SNW1: variants seen among roughly 807,000 people sequenced by gnomAD.
SNW1 encodes the protein SNW domain containing 1.
A neutral mutation model predicts 75.6 loss-of-function variants in SNW1; 9 were observed. The ratio of observed to expected loss-of-function variants is 0.12; its 90% CI spans 0.07 to 0.21. The LOEUF is 0.21. Among genes scored for constraint, SNW1 ranks in the 10% least tolerant of loss-of-function variants. SNW1 has a pLI of 1.00. For synonymous variants in SNW1, 200 were observed against 219.1 expected (o/e 0.91, Z 0.77); for missense variants, 409 against 670.9 (o/e 0.61, Z 4.31).
chr14:77,738,695 A>G, intron 5 of SNW1, 83 bp downstream of exon 5: 1 of 900,098 alleles, frequency 1.1e-6, no homozygotes, highest in Non-Finnish European at 1.8e-6. Flanking sequence ...ATGGTTGCTA[A>G]GTGGGTTAGT....
At chr14:77,745,795 A>C (rs1381029554) in intron 3 of SNW1, among the ~76,000 whole-genome samples, 1 of 152,174 alleles carries the variant, frequency 6.6e-6, no homozygotes, top group East Asian at 1.9e-4. Context: ...AGGCCAAAGC[A>C]GGCAGATCAC....
At chr14:77,724,763 C>T (rs1284250467) in intron 10 of SNW1, among the ~76,000 whole-genome samples, 5 of 152,202 alleles carry the variant, frequency 3.3e-5, no homozygotes, top group South Asian at 2.1e-4. Context: ...CTGGACACAA[C>T]TTGATTCCGT....
intron 10 of SNW1, among the ~76,000 whole-genome samples, chr14:77,724,916 G>A (rs1311803787): frequency 1.3e-5 from 2 of 152,126 alleles, no homozygotes; most frequent in African/African-American, 4.8e-5. Context: ...GTTTTTTGAA[G>A]AACTGCCATA....
chr14:77,723,573 A>G (rs1401681890), intron 10 of SNW1, among the ~76,000 whole-genome samples: 1 of 151,718 alleles, frequency 6.6e-6, no homozygotes, highest in Non-Finnish European at 1.5e-5. Context: ...CTGGTCTCAA[A>G]CTCCAGGCTC....
intron 8 of SNW1, 102 bp from the exon 9 acceptor site, chr14:77,732,703 C>T: frequency 1.4e-6 from 1 of 711,446 alleles, no homozygotes; most frequent in Non-Finnish European, 2.4e-6. Context: ...CTTGCTCTGT[C>T]ACCCTGGCTG....
At chr14:77,727,104 A>G (rs551802477) in intron 10 of SNW1, among the ~76,000 whole-genome samples, 1 of 151,306 alleles carries the variant, frequency 6.6e-6, no homozygotes, top group East Asian at 2.0e-4. Context: ...CCCAGGCTGG[A>G]GTGCAGTGGC....
rs188926528 is a variant in SNW1 at position 77,754,271 on chromosome 14, T to G, written c.168+696A>C. On this transcript the variant is annotated intron_variant, in intron 2 of 13. Coordinates refer to ENST00000261531, the MANE Select transcript of SNW1 (RefSeq NM_012245.3). ...GTTGGTCAGGCTGGTCTCGAACTCC[T>G]GGCCTCAGGTGATCTGCCCGCCTTG... is the stretch of plus-strand genomic sequence containing the variant. Among the ~76,000 whole-genome samples the G allele has an allele frequency of 5.7e-3, 874 of 152,112 alleles. 14 individuals carry two copies. The highest frequency in any genetic ancestry group is 0.02 in the African/African-American group (813 of 41,504).
intron 3 of SNW1, among the ~76,000 whole-genome samples, chr14:77,748,382 C>T (rs7160355): frequency 0.53 from 79,727 of 151,272 alleles, 21,216 homozygotes; most frequent in East Asian, 0.68. Context: ...TCCCCCTCTC[C>T]GAGAAACACC....
Position 77,725,847 on chromosome 14 carries a change from C to T in SNW1, c.1034-2570G>A, listed in dbSNP as rs549360221. Among the ~76,000 whole-genome samples, 114 of 152,242 alleles carry T rather than the reference C, an allele frequency of 7.5e-4. No individual in the cohort carries two copies. The Middle Eastern group carries it at 0.01, about 14-fold the overall frequency. On this transcript the variant is annotated intron_variant, in intron 10 of 13. Coordinates refer to ENST00000261531, the MANE Select transcript of SNW1 (RefSeq NM_012245.3). The stretch of plus-strand genomic sequence containing the variant: ...GGGAGGATAGCTTGAGTCTGAGAGG[C>T]GGAGGTTGCAGTGAGCTAAGATTAC...
At chr14:77,750,686 C>G (rs1322293429) in intron 3 of SNW1, among the ~76,000 whole-genome samples, 2 of 151,620 alleles carry the variant, frequency 1.3e-5, no homozygotes, top group Non-Finnish European at 2.9e-5. Flanking sequence ...AAAACTAGGT[C>G]TTCTTAAAAA....
chr14:77,757,678 A>C (rs774874760), intron 1 of SNW1, among the ~76,000 whole-genome samples: 1 of 152,110 alleles, frequency 6.6e-6, no homozygotes. Flanking sequence ...TCATTTAACT[A>C]TTCTGTTTTC....
At chr14:77,761,058 A>C (rs2080887112) in intron 1 of SNW1, 56 bp downstream of exon 1, 1 of 1,614,194 alleles carries the variant, frequency 6.2e-7, no homozygotes, top group Non-Finnish European at 8.5e-7. Context: ...AAGAGAAATG[A>C]AGAAGACTGG....
At chr14:77,743,201 G>A (rs1343702856) in intron 3 of SNW1, among the ~76,000 whole-genome samples, 2 of 151,324 alleles carry the variant, frequency 1.3e-5, no homozygotes, top group African/African-American at 2.4e-5. Context: ...CCCCAGCCTG[G>A]GCAACAAGAG....
rs1224407488 is a variant in SNW1, at chr14:77,737,020, T to C, written c.589A>G (p.Ile197Val). The C allele has an allele frequency of 6.2e-7, 1 of 1,614,004 alleles. No homozygotes were observed. ...AFNSGAKQRV[I>V]RMVEMQKDPM... ...TCTTTCTGCATTTCTACCATCCGAA[T>C]AACCCTCTGTTTAGCTCCAGAGTTG... is the stretch of plus-strand genomic sequence containing the variant. The change falls in exon 6 of 14, where the codon ATT (isoleucine) becomes GTT (valine). Residue 197 changes from isoleucine (I) to valine (V), a missense_variant. Around this residue, in one of 9 missense-constraint regions of SNW1, gnomAD observed 70 missense variants for 136.7 expected, o/e 0.51. Transcript: ENST00000261531.
chr14:77,734,664 G>A (rs1469156013), intron 8 of SNW1, among the ~76,000 whole-genome samples: 1 of 152,174 alleles, frequency 6.6e-6, no homozygotes, highest in African/African-American at 2.4e-5. Flanking sequence ...CTTCAACCTG[G>A]GAGGTGGAGG....
Position 77,718,054 on chromosome 14 carries a change from G to T in SNW1, c.*34C>A. On this transcript the variant is annotated 3_prime_UTR_variant, in exon 14 of 14. Transcript: ENST00000261531. Reference sequence around the variant, plus strand: ...TATGACTTGCATCATTAGGGTTATGGGTAAGAGTTCATTCACTTTGGAGAG... The same window carrying T: ...TATGACTTGCATCATTAGGGTTATGTGTAAGAGTTCATTCACTTTGGAGAG... 1 of 1,519,182 alleles carries T rather than the reference G, an allele frequency of 6.6e-7. No individual in the cohort carries two copies. The allele number at this position is 1,519,182 out of a possible 1,614,324, so 94.1% of individuals were successfully genotyped here.
In SNW1 at chr14:77,717,975, G is replaced by C. The variant is rs1415745986; in HGVS notation, c.*113C>G. The C allele has an allele frequency of 1.1e-6, 1 of 904,478 alleles. No homozygotes were observed. The highest frequency in any genetic ancestry group is 1.7e-5 in the African/African-American group (1 of 60,342). 56.0% of individuals were successfully genotyped at this position (904,478 alleles called of 1,614,324 possible). ...CTCCAGTAATAAAAAGTAGTGCTGG[G>C]ATCTGGCACCCAGATTTGGTTTTTA... is the stretch of plus-strand genomic sequence containing the variant. On this transcript the variant is annotated 3_prime_UTR_variant, in exon 14 of 14. Coordinates refer to ENST00000261531, the MANE Select transcript of SNW1 (RefSeq NM_012245.3).
intron 10 of SNW1, among the ~76,000 whole-genome samples, chr14:77,727,825 T>C (rs977295546): frequency 6.6e-6 from 1 of 152,208 alleles, no homozygotes; most frequent in Non-Finnish European, 1.5e-5. Flanking sequence ...CATCTAAGAT[T>C]ATCAGGGATG....
Position 77,728,579 on chromosome 14 carries a change from G to C in SNW1, c.1033+2409C>G. Among the ~76,000 whole-genome samples the C allele has an allele frequency of 1.3e-5, 2 of 152,170 alleles. 1 individual carries two copies. The highest frequency in any genetic ancestry group is 1.3e-4 in the Admixed American group (2 of 15,266). ...GCTTATTTCCCTTAGGGGCTGGCTG[G>C]ATCTTGATTTCCACTGCATTTATAT... is the stretch of plus-strand genomic sequence containing the variant. On this transcript the variant is annotated intron_variant, in intron 10 of 13. Coordinates refer to ENST00000261531, the MANE Select transcript of SNW1 (RefSeq NM_012245.3).
Sources: allele counts gnomAD v4.1 joint callset (sites outside exome capture counted in the v4.1 genomes callset), GRCh38; gene constraint gnomAD v4.1.1; regional missense constraint gnomAD v4.1.1; transcripts MANE v1.5; gene names NCBI Gene and HGNC (gene_info 2026-07-23, HGNC 2026-07-21).